The following HADHB variants were observed in gnomAD, a reference collection of about 807,000 sequenced individuals.
HADHB encodes the protein hydroxyacyl-CoA dehydrogenase trifunctional multienzyme complex subunit beta.
A neutral mutation model predicts 61.9 loss-of-function variants in HADHB; 50 were observed. The ratio of observed to expected loss-of-function variants is 0.81; its 90% CI spans 0.64 to 1.02. HADHB has a LOEUF of 1.02. HADHB is among the 50% of genes least tolerant of loss of function. The pLI is 0.00. For synonymous variants in HADHB, 191 were observed against 201.6 expected (o/e 0.95, Z 0.45); for missense variants, 504 against 586.5 (o/e 0.86, Z 1.45).
intron 1 of HADHB, among the ~76,000 whole-genome samples, chr2:26,248,754 C>A (rs969861211): frequency 6.6e-6 from 1 of 151,978 alleles, no homozygotes; most frequent in African/African-American, 2.4e-5. Flanking sequence ...ATTTAAAAAA[C>A]AACAACAACA....
chr2:26,259,340 C>T (rs1379144055), intron 3 of HADHB, among the ~76,000 whole-genome samples: 1 of 152,214 alleles, frequency 6.6e-6, no homozygotes, highest in African/African-American at 2.4e-5. Flanking sequence ...GAGCTCCTTG[C>T]TTTTATTCAG....
chr2:26,280,571 G>A (rs4545962), intron 10 of HADHB, among the ~76,000 whole-genome samples: 13,860 of 152,158 alleles, frequency 0.091, 2,264 homozygotes, highest in East Asian at 0.75. Context: ...AGGCATTTCA[G>A]GCCGGGTGCG....
chr2:26,253,361 G>A lies in HADHB; in HGVS notation c.-8-886G>A, dbSNP rs79940629. ...GCAGTTGAGATTAAGTTGCTGACAT[G>A]ATGCTTCACCATCCCTATTTAGTGT... On this transcript the variant is annotated intron_variant, in intron 1 of 15. Transcript: ENST00000317799. Among the ~76,000 whole-genome samples, 447 of 152,270 alleles carry A rather than the reference G, an allele frequency of 2.9e-3. 4 individuals are homozygous for A. The highest frequency in any genetic ancestry group is 0.01 in the African/African-American group (431 of 41,546).
chr2:26,246,269 A>C (rs1184117678), intron 1 of HADHB, among the ~76,000 whole-genome samples: 1 of 152,062 alleles, frequency 6.6e-6, no homozygotes, highest in Admixed American at 6.5e-5. Context: ...AAAGGTCCAG[A>C]CAGTAAATAG....
In HADHB at chr2:26,289,945, C is replaced by T. The variant is rs942477332; in HGVS notation, c.1417C>T (p.Pro473Ser). The T allele has an allele frequency of 1.9e-6, 3 of 1,607,102 alleles. No individual in the cohort carries two copies. The highest frequency in any genetic ancestry group is 2.7e-5 in the African/African-American group (2 of 74,770). ...CCATGCTATGATAGTGGAAGCTTAT[C>T]CAAAATAATAGATCCAGAAGAAGTG... ...QGHAMIVEAY[P>S]K is the part of the protein sequence containing the mutation. Residue 473 changes from proline to serine, a missense_variant, in exon 16 of 16, where the codon CCA (proline) becomes TCA (serine). Transcript: ENST00000317799.
At chr2:26,269,268 C>T (rs1672234267) in intron 4 of HADHB, among the ~76,000 whole-genome samples, 1 of 152,096 alleles carries the variant, frequency 6.6e-6, no homozygotes, top group Non-Finnish European at 1.5e-5. Context: ...GTGGTGTGAT[C>T]CTAGCAGCCT....
chr2:26,265,253 G>A (rs1672028252), intron 4 of HADHB, among the ~76,000 whole-genome samples: 2 of 152,024 alleles, frequency 1.3e-5, no homozygotes, highest in African/African-American at 4.8e-5. Context: ...TTTTTGTAAG[G>A]ATCATTATAT....
At position 26,283,151 on chromosome 2, in the gene HADHB, ATTTG is replaced by A. The variant is rs1387478577; in HGVS notation, c.1061+104_1061+107del. On this transcript the variant is annotated intron_variant, in intron 12 of 15. Transcript: ENST00000317799. Reference sequence around the variant, plus strand: ...AATGATTAACACTGGTTTATTATTTATTTGTTTATTACACTGGTTTGAGAGTATA... The same window carrying A: ...AATGATTAACACTGGTTTATTATTTATTTATTACACTGGTTTGAGAGTATA... The A allele has an allele frequency of 7.2e-6, 6 of 831,540 alleles. No individual in the cohort carries two copies. The East Asian group carries it at 1.5e-4, about 21-fold the overall frequency. 51.5% of individuals were successfully genotyped at this position (831,540 alleles called of 1,614,324 possible). A position where few individuals can be genotyped will look rare whatever the true frequency, so the allele number is the denominator to read the frequency against.
intron 10 of HADHB, among the ~76,000 whole-genome samples, chr2:26,280,885 A>G (rs1475297959): frequency 6.9e-6 from 1 of 144,168 alleles, no homozygotes; most frequent in Non-Finnish European, 1.5e-5. Context: ...AAAAAAAGGC[A>G]TTTTGGACAA....
chr2:26,278,562 G>A lies in HADHB; in HGVS notation c.443-52G>A, dbSNP rs1022372780. 1.4e-5 allele frequency: 19 copies of A among 1,398,674 alleles called. 1 individual carries two copies. The highest frequency in any genetic ancestry group is 9.2e-6 in the Non-Finnish European group (9 of 983,532). The allele number at this position is 1,398,674 out of a possible 1,614,324, so 86.6% of individuals were successfully genotyped here. A position where few individuals can be genotyped will look rare whatever the true frequency, so the allele number is the denominator to read the frequency against. ...TAATCAAGAAGCTTAAATTGGAATG[G>A]TATGTTATTTTCTGTAAAAGATATT... On this transcript the variant is annotated intron_variant, in intron 7 of 15. Transcript: ENST00000317799.
intron 3 of HADHB, 181 bp downstream of exon 3, chr2:26,254,655 T>G: frequency 1.8e-6 from 1 of 568,502 alleles, no homozygotes; most frequent in Non-Finnish European, 3.1e-6. Context: ...TGATACTACA[T>G]TATTTAGGAT....
chr2:26,284,548 C>T (rs10175221), intron 13 of HADHB, among the ~76,000 whole-genome samples: 3,742 of 151,728 alleles, frequency 0.025, 151 homozygotes, highest in African/African-American at 0.083. Context: ...CTGCAACCTC[C>T]GCCTTCCAGG....
chr2:26,286,319 A>G (rs766725650), intron 15 of HADHB, among the ~76,000 whole-genome samples: 27 of 152,180 alleles, frequency 1.8e-4, no homozygotes, highest in Non-Finnish European at 4.4e-5. Context: ...TTTCTAGAGA[A>G]CTGAATTATA....
chr2:26,290,337 A>T lies in HADHB; in HGVS notation c.*384A>T. On this transcript the variant is annotated 3_prime_UTR_variant, in exon 16 of 16. Transcript: ENST00000317799. ...TGTCCTAAAGATGTGTTCTCTATAAAATACAAACCAACGTGCCTAATTAAT... is the reference window on the plus strand; with the variant it reads ...TGTCCTAAAGATGTGTTCTCTATAATATACAAACCAACGTGCCTAATTAAT... 1 of 222,938 alleles carries T rather than the reference A, an allele frequency of 4.5e-6. No individual in the cohort carries two copies. The highest frequency in any genetic ancestry group is 9.1e-6 in the Non-Finnish European group (1 of 110,252). The allele number at this position is 222,938 out of a possible 1,614,324, so 13.8% of individuals were successfully genotyped here. A position where few individuals can be genotyped will look rare whatever the true frequency, so the allele number is the denominator to read the frequency against.
chr2:26,251,525 T>C (rs1671397410), intron 1 of HADHB, among the ~76,000 whole-genome samples: 1 of 152,180 alleles, frequency 6.6e-6, no homozygotes, highest in African/African-American at 2.4e-5. Context: ...AGGTTCCCCC[T>C]TTTGTTTTTC....
chr2:26,256,200 C>T (rs370659797), intron 3 of HADHB, among the ~76,000 whole-genome samples: 3 of 152,200 alleles, frequency 2.0e-5, no homozygotes, highest in South Asian at 2.1e-4. Context: ...CCAGAAGGCA[C>T]GTGATAAAAC....
intron 3 of HADHB, among the ~76,000 whole-genome samples, chr2:26,260,081 GTTT>G (rs35276756): frequency 7.5e-6 from 1 of 133,546 alleles, no homozygotes; most frequent in Non-Finnish European, 1.6e-5. Context: ...GTTTTTTCTG[GTTT>G]TTTTTTTTTT....
intron 3 of HADHB, among the ~76,000 whole-genome samples, chr2:26,262,708 A>C (rs111274098): frequency 1.3e-3 from 196 of 152,380 alleles, no homozygotes; most frequent in African/African-American, 4.4e-3. Flanking sequence ...AGCTATGTGA[A>C]GAGTGAACAA....
intron 3 of HADHB, among the ~76,000 whole-genome samples, chr2:26,255,129 C>T (rs910772453): frequency 3.9e-5 from 6 of 152,112 alleles, no homozygotes; most frequent in African/African-American, 1.4e-4. Context: ...CATTTTTCTC[C>T]TTGCCTAGAT....
Sources: gnomAD v4.1 joint callset for allele counts (sites outside exome capture counted in the v4.1 genomes callset) on GRCh38, gnomAD v4.1.1 for gene constraint, MANE v1.5 for transcripts, NCBI Gene and HGNC (gene_info 2026-07-23, HGNC 2026-07-21) for gene names.